PDE10A: variants seen among roughly 807,000 people sequenced by gnomAD.
PDE10A encodes the protein cAMP and cAMP-inhibited cGMP 3',5'-cyclic phosphodiesterase 10A.
Under a neutral mutation model 97.7 loss-of-function variants are expected in PDE10A, and 39 were observed. The observed-to-expected ratio is 0.40, with a 90% CI of 0.31 to 0.52. PDE10A has a LOEUF of 0.52. PDE10A is among the 20% of genes least tolerant of loss of function. PDE10A has a pLI of 0.56. For missense variants in PDE10A, 731 were observed against 1,047.8 expected, an observed-to-expected ratio of 0.70 and a Z score of 4.17; for synonymous variants, 371 against 376.8, an observed-to-expected ratio of 0.98 and a Z score of 0.18.
chr6:165,441,105 A>C (rs1227847217), intron 5 of PDE10A, among the ~76,000 whole-genome samples: 1 of 152,194 alleles, frequency 6.6e-6, no homozygotes, highest in African/African-American at 2.4e-5. Flanking sequence ...TGCTAACCCC[A>C]GATTTCTCAG....
chr6:165,929,249 G>T (rs1445470929), intron 1 of PDE10A, among the ~76,000 whole-genome samples: 1 of 152,188 alleles, frequency 6.6e-6, no homozygotes, highest in Non-Finnish European at 1.5e-5. Flanking sequence ...AAGCACGCAG[G>T]AGTCCTCGAG....
At chr6:165,506,060 T>C (rs907028581) in intron 2 of PDE10A, among the ~76,000 whole-genome samples, 1 of 152,146 alleles carries the variant, frequency 6.6e-6, no homozygotes, top group Non-Finnish European at 1.5e-5. Flanking sequence ...AGTATTCCTG[T>C]CGGGAAAATG....
intron 1 of PDE10A, among the ~76,000 whole-genome samples, chr6:165,969,363 C>A (rs893223774): frequency 6.6e-6 from 1 of 152,058 alleles, no homozygotes; most frequent in Non-Finnish European, 1.5e-5. Flanking sequence ...AGTGTCCTCA[C>A]TGGGGAGGGC....
chr6:165,339,510 A>G, intron 19 of PDE10A, 152 bp from the exon 20 acceptor site: 1 of 604,690 alleles, frequency 1.7e-6, no homozygotes. Flanking sequence ...CAAAATAAAG[A>G]AAAACTTAAT....
chr6:165,568,037 C>T lies in PDE10A; in HGVS notation c.866-24469G>A, dbSNP rs930113966. 2.0e-3 allele frequency among the ~76,000 whole-genome samples: 243 copies of T among 124,308 alleles called. 1 individual carries two copies. In the Middle Eastern group the frequency reaches 0.047, roughly 24 times the overall value. 81.6% of individuals were successfully genotyped at this position (124,308 alleles called of 152,430 possible). A position where few individuals can be genotyped will look rare whatever the true frequency, so the allele number is the denominator to read the frequency against. On this transcript the variant is annotated intron_variant, in intron 1 of 21. Transcript: ENST00000539869. ...TTTTTGAGACGGAGTCTCGCTCTGTCGCCCAGGCTGGAGTGCAGTGGCACA... is the reference window on the plus strand; with the variant it reads ...TTTTTGAGACGGAGTCTCGCTCTGTTGCCCAGGCTGGAGTGCAGTGGCACA...
At chr6:165,456,777 C>T (rs898393950) in intron 3 of PDE10A, among the ~76,000 whole-genome samples, 1 of 152,100 alleles carries the variant, frequency 6.6e-6, no homozygotes, top group Non-Finnish European at 1.5e-5. Context: ...TCTAATATTT[C>T]ATCTAATAGA....
chr6:165,598,554 C>T (rs887490994), intron 1 of PDE10A, among the ~76,000 whole-genome samples: 9 of 152,098 alleles, frequency 5.9e-5, no homozygotes, highest in Non-Finnish European at 1.0e-4. Context: ...GGGCAATGGA[C>T]TTATCCTAAG....
At chr6:165,898,992 CTCCCGGCAGCTCCTGCCT>C (rs1354151123) in intron 1 of PDE10A, among the ~76,000 whole-genome samples, 2 of 152,192 alleles carry the variant, frequency 1.3e-5, no homozygotes. Flanking sequence ...CCATCAAGGC[CTCCCGGCAGCTCCTGCCT>C]TCACTCGATG....
chr6:165,346,878 T>A (rs1288283551), intron 18 of PDE10A, among the ~76,000 whole-genome samples: 1 of 151,192 alleles, frequency 6.6e-6, no homozygotes, highest in East Asian at 1.9e-4. Context: ...AAGACCAGAA[T>A]TCTGTTATGA....
At chr6:165,579,213 T>C (rs1047901473) in intron 1 of PDE10A, among the ~76,000 whole-genome samples, 3 of 152,198 alleles carry the variant, frequency 2.0e-5, no homozygotes, top group Non-Finnish European at 2.9e-5. Flanking sequence ...TGTAGGTGGA[T>C]GGAAACATGC....
At chr6:165,736,978 T>C (rs958570352) in intron 1 of PDE10A, among the ~76,000 whole-genome samples, 1 of 152,184 alleles carries the variant, frequency 6.6e-6, no homozygotes, top group African/African-American at 2.4e-5. Context: ...CTACATCCGA[T>C]ACTACAGAAC....
intron 1 of PDE10A, among the ~76,000 whole-genome samples, chr6:165,810,016 G>A (rs910079622): frequency 7.2e-5 from 11 of 152,230 alleles, no homozygotes; most frequent in African/African-American, 1.7e-4. Flanking sequence ...CCTTCCTCCC[G>A]GCTCTCAGGA....
At chr6:165,678,601 C>A in intron 1 of PDE10A, among the ~76,000 whole-genome samples, 1 of 152,032 alleles carries the variant, frequency 6.6e-6, no homozygotes, top group East Asian at 1.9e-4. Context: ...ACAGTTTTCC[C>A]TCCTTCCACT....
At chr6:165,864,944 G>T (rs184438989) in intron 1 of PDE10A, among the ~76,000 whole-genome samples, 3 of 152,330 alleles carry the variant, frequency 2.0e-5, no homozygotes, top group Non-Finnish European at 4.4e-5. Flanking sequence ...TTATGTAGGA[G>T]CTATGACATT....
intron 5 of PDE10A, among the ~76,000 whole-genome samples, chr6:165,446,717 G>C (rs1486284254): frequency 5.3e-5 from 8 of 152,234 alleles, no homozygotes; most frequent in Non-Finnish European, 8.8e-5. Context: ...TGTACAGTGG[G>C]ATCTGACTTG....
At chr6:165,568,649 A>G in intron 1 of PDE10A, among the ~76,000 whole-genome samples, 1 of 152,134 alleles carries the variant, frequency 6.6e-6, no homozygotes, top group East Asian at 1.9e-4. Context: ...CTTAATAACA[A>G]CCCAAAAGTG....
intron 18 of PDE10A, among the ~76,000 whole-genome samples, chr6:165,349,187 C>G (rs1782522584): frequency 6.6e-6 from 1 of 152,082 alleles, no homozygotes; most frequent in African/African-American, 2.4e-5. Context: ...TTTGGAATTT[C>G]CTAGAGACTT....
chr6:165,792,550 C>CT (rs1386846949), intron 1 of PDE10A, among the ~76,000 whole-genome samples: 19 of 152,102 alleles, frequency 1.2e-4, no homozygotes, highest in Middle Eastern at 3.2e-3. Flanking sequence ...TGGCTGGCAC[C>CT]TTTTTTCTTT....
chr6:165,777,587 C>T (rs1441427703), intron 1 of PDE10A, among the ~76,000 whole-genome samples: 2 of 152,196 alleles, frequency 1.3e-5, no homozygotes, highest in Admixed American at 1.3e-4. Context: ...AATATATGAA[C>T]GTCTCTCCTG....
Sources: allele counts gnomAD v4.1 joint callset (sites outside exome capture counted in the v4.1 genomes callset), GRCh38; gene constraint gnomAD v4.1.1; transcripts MANE v1.5; gene names NCBI Gene and HGNC (gene_info 2026-07-23, HGNC 2026-07-21).